Variants in KDM3B observed in about 807,000 individuals in gnomAD.
KDM3B encodes lysine demethylase 3B.
In KDM3B, 10 loss-of-function variants were observed where a neutral mutation model predicts 170.0. The observed-to-expected ratio is 0.06, with a 90% CI of 0.04 to 0.10. KDM3B has a LOEUF of 0.10. KDM3B is among the 10% of genes least tolerant of loss of function. The pLI, the probability that KDM3B is intolerant of heterozygous loss-of-function variation, is 1.00. For synonymous variants in KDM3B, 831 were observed against 834.8 expected (o/e 1.00, Z 0.08); for missense variants, 1,394 against 2,195.2 (o/e 0.64, Z 7.29).
At chr5:138,393,520 G>A (rs1762483864) in intron 9 of KDM3B, 148 bp downstream of exon 9, 4 of 657,472 alleles carry the variant, frequency 6.1e-6, no homozygotes, top group Non-Finnish European at 1.1e-5. Context: ...AGAGGCTCTG[G>A]CATAGTAGTC....
intron 11 of KDM3B, among the ~76,000 whole-genome samples, chr5:138,408,244 G>GC (rs772771752): frequency 3.9e-5 from 6 of 151,972 alleles, no homozygotes; most frequent in Non-Finnish European, 7.4e-5. Flanking sequence ...ATCAGACGCC[G>GC]CCGCCTCAAG....
At position 138,372,834 on chromosome 5, in the gene KDM3B, C is replaced by T. The variant is rs759608369; in HGVS notation, c.353C>T (p.Pro118Leu). The T allele has an allele frequency of 1.2e-6, 2 of 1,613,682 alleles. No homozygotes were observed. Among genetic ancestry groups the T allele is most frequent in the East Asian group, 4.5e-5 (2 of 44,864 alleles). Residue 118 changes from proline to leucine, a missense_variant, in exon 2 of 24, where the codon CCA (proline) becomes CTA (leucine). By Grantham distance (98) the Pro-to-Leu change is moderately conservative. This residue lies in a region of KDM3B where 166 missense variants were observed against 216.4 expected (regional missense o/e 0.77). Transcript: ENST00000314358. ...ATTCGAGTCTCCATTGCACAATGGCCAGCCCTGGTGAGTGGCTTTTACTGG... is the reference window on the plus strand; with the variant it reads ...ATTCGAGTCTCCATTGCACAATGGCTAGCCCTGGTGAGTGGCTTTTACTGG... ...QGIRVSIAQW[P>L]ALTFTPLVDK...
chr5:138,375,242 T>C (rs1481518672), intron 3 of KDM3B, 36 bp downstream of exon 3: 1 of 1,328,152 alleles, frequency 7.5e-7, no homozygotes, highest in Non-Finnish European at 1.1e-6. Context: ...AGCCTATTAT[T>C]TTTTTCGCTG....
chr5:138,388,036 G>A (rs1464636393), intron 7 of KDM3B, among the ~76,000 whole-genome samples: 3 of 152,140 alleles, frequency 2.0e-5, no homozygotes, highest in South Asian at 2.1e-4. Flanking sequence ...AGCCGAGATT[G>A]TGCCACTGCA....
intron 1 of KDM3B, among the ~76,000 whole-genome samples, chr5:138,359,852 A>C (rs537343080): frequency 6.6e-6 from 1 of 152,112 alleles, no homozygotes; most frequent in Non-Finnish European, 1.5e-5. Context: ...TTAATCTTTC[A>C]TCTCTCTTTC....
At chr5:138,425,338 CCTATT>C in intron 16 of KDM3B, 68 bp from the exon 17 acceptor site, 1 of 1,438,834 alleles carries the variant, frequency 7.0e-7, no homozygotes. Context: ...AGGAAACCCT[CCTATT>C]CTGTCTCAGC....
intron 11 of KDM3B, among the ~76,000 whole-genome samples, chr5:138,403,179 T>G (rs1349355219): frequency 2.6e-5 from 4 of 152,196 alleles, no homozygotes; most frequent in Non-Finnish European, 1.5e-5. Context: ...TACATAATTG[T>G]GCACCACACT....
intron 22 of KDM3B, among the ~76,000 whole-genome samples, chr5:138,431,177 T>C (rs1337415002): frequency 6.6e-6 from 1 of 152,118 alleles, no homozygotes; most frequent in Non-Finnish European, 1.5e-5. Context: ...AGGCTGGTCT[T>C]GAACTCCTGA....
chr5:138,406,431 G>A (rs1762822921), intron 11 of KDM3B, among the ~76,000 whole-genome samples: 1 of 152,046 alleles, frequency 6.6e-6, no homozygotes, highest in South Asian at 2.1e-4. Flanking sequence ...ATCACCTGAG[G>A]TCAGGAGTTC....
intron 23 of KDM3B, among the ~76,000 whole-genome samples, chr5:138,435,276 G>C (rs1170766609): frequency 1.3e-5 from 2 of 152,160 alleles, no homozygotes; most frequent in African/African-American, 4.8e-5. Context: ...AGTTTCCGCA[G>C]TTTCTCCTCT....
intron 11 of KDM3B, among the ~76,000 whole-genome samples, chr5:138,410,914 T>C (rs1315769536): frequency 6.6e-6 from 1 of 152,136 alleles, no homozygotes; most frequent in Non-Finnish European, 1.5e-5. Flanking sequence ...CAGAGCCAGG[T>C]GTACAGGATG....
chr5:138,422,499 G>C (rs1230247858), intron 15 of KDM3B, among the ~76,000 whole-genome samples: 3 of 152,030 alleles, frequency 2.0e-5, no homozygotes, highest in Non-Finnish European at 4.4e-5. Context: ...AATTAGCCAG[G>C]CATGATGGCA....
intron 1 of KDM3B, among the ~76,000 whole-genome samples, chr5:138,365,564 G>A (rs544162592): frequency 5.4e-4 from 82 of 151,874 alleles, no homozygotes; most frequent in African/African-American, 1.9e-3. Context: ...GGCCTATACA[G>A]TATTCTTATT....
At chr5:138,399,090 G>T (rs766642635) in intron 10 of KDM3B, among the ~76,000 whole-genome samples, 1 of 150,964 alleles carries the variant, frequency 6.6e-6, no homozygotes, top group East Asian at 2.0e-4. Context: ...GCGTTTCGCC[G>T]TGTTAGCCAG....
At chr5:138,398,556 A>G (rs747098125) in intron 10 of KDM3B, among the ~76,000 whole-genome samples, 164 bp downstream of exon 10, 2 of 152,222 alleles carry the variant, frequency 1.3e-5, no homozygotes, top group Admixed American at 6.5e-5. Flanking sequence ...GACCTTAACT[A>G]TATCCAGCAG....
chr5:138,397,872 A>AT (rs1371316853), intron 9 of KDM3B: 1 of 190,516 alleles, frequency 5.2e-6, no homozygotes, highest in Non-Finnish European at 1.1e-5. Flanking sequence ...AAAAAAAAAA[A>AT]AAAATTGGAA....
chr5:138,418,280 ATGT>A (rs988495197), intron 13 of KDM3B, among the ~76,000 whole-genome samples: 2 of 151,984 alleles, frequency 1.3e-5, no homozygotes, highest in African/African-American at 4.8e-5. Flanking sequence ...GGGTTTCACC[ATGT>A]TGCTCAGGCT....
chr5:138,363,321 A>G (rs1351304336), intron 1 of KDM3B, among the ~76,000 whole-genome samples: 2 of 152,036 alleles, frequency 1.3e-5, no homozygotes, highest in Non-Finnish European at 2.9e-5. Flanking sequence ...TGTCTTTATA[A>G]TCTTTAAATT....
intron 1 of KDM3B, among the ~76,000 whole-genome samples, chr5:138,367,613 G>T (rs1192870964): frequency 6.6e-6 from 1 of 152,052 alleles, no homozygotes; most frequent in African/African-American, 2.4e-5. Flanking sequence ...GGTCCTAATC[G>T]AAGCATGTGT....
Sources: allele counts gnomAD v4.1 joint callset (sites outside exome capture counted in the v4.1 genomes callset), GRCh38; gene constraint gnomAD v4.1.1; regional missense constraint gnomAD v4.1.1; transcripts MANE v1.5; gene names NCBI Gene and HGNC (gene_info 2026-07-23, HGNC 2026-07-21).